CTNNA2: variants seen among roughly 807,000 people sequenced by gnomAD.
CTNNA2 encodes catenin alpha 2.
A neutral mutation model predicts 101.0 loss-of-function variants in CTNNA2; 42 were observed. That is an observed-to-expected ratio of 0.42 (90% CI 0.32 to 0.54). The LOEUF (loss-of-function observed/expected upper bound fraction) is 0.54. Ranked by LOEUF, CTNNA2 falls within the 20% of genes least tolerant of loss-of-function variation. CTNNA2 has a pLI of 0.14. For synonymous variants in CTNNA2, 450 were observed against 456.4 expected, an observed-to-expected ratio of 0.99 and a Z score of 0.18; for missense variants, 871 against 1,223.1, an observed-to-expected ratio of 0.71 and a Z score of 4.29.
intron 6 of CTNNA2, among the ~76,000 whole-genome samples, chr2:79,907,987 A>T (rs1415751963): frequency 1.3e-5 from 2 of 152,218 alleles, no homozygotes; most frequent in Non-Finnish European, 2.9e-5. Context: ...AACAGGAATC[A>T]GAGAATTGGA....
intron 4 of CTNNA2, among the ~76,000 whole-genome samples, chr2:79,413,191 G>T (rs905271021): frequency 6.6e-6 from 1 of 151,796 alleles, no homozygotes; most frequent in Non-Finnish European, 1.5e-5. Context: ...GGGAGGGGGT[G>T]GTTCTGGGAA....
intron 2 of CTNNA2, among the ~76,000 whole-genome samples, chr2:79,659,315 G>A (rs1353780594): frequency 6.6e-6 from 1 of 150,892 alleles, no homozygotes; most frequent in Non-Finnish European, 1.5e-5. Context: ...AATATAAAGT[G>A]AGGCATCATT....
intron 1 of CTNNA2, among the ~76,000 whole-genome samples, chr2:79,630,812 TG>T (rs1301483052): frequency 1.3e-5 from 2 of 151,250 alleles, no homozygotes. Context: ...GCTATATGGG[TG>T]GGCCTACAAA....
intron 4 of CTNNA2, among the ~76,000 whole-genome samples, chr2:79,864,595 G>T (rs953848790): frequency 6.6e-6 from 1 of 152,178 alleles, no homozygotes; most frequent in African/African-American, 2.4e-5. Flanking sequence ...CTAGGCCAAT[G>T]AATGAATGAA....
intron 3 of CTNNA2, among the ~76,000 whole-genome samples, chr2:79,323,138 C>T (rs1380764627): frequency 6.6e-6 from 1 of 152,130 alleles, no homozygotes; most frequent in Non-Finnish European, 1.5e-5. Flanking sequence ...TTCATGTTCC[C>T]CTGCCAAACC....
chr2:79,648,969 T>A (rs1361148957), intron 1 of CTNNA2, among the ~76,000 whole-genome samples: 1 of 152,200 alleles, frequency 6.6e-6, no homozygotes, highest in Non-Finnish European at 1.5e-5. Flanking sequence ...AAAAGATTGA[T>A]CCTCAAAGGA....
intron 4 of CTNNA2, among the ~76,000 whole-genome samples, chr2:79,494,506 G>C (rs1224866322): frequency 6.6e-6 from 1 of 152,094 alleles, no homozygotes; most frequent in African/African-American, 2.4e-5. Context: ...AAGTAAAACT[G>C]CACATTAGTG....
chr2:79,362,133 A>C (rs926436163), intron 3 of CTNNA2, among the ~76,000 whole-genome samples: 2 of 152,176 alleles, frequency 1.3e-5, no homozygotes, highest in South Asian at 2.1e-4. Context: ...TTAAGCAGTG[A>C]CTATACTAAG....
At chr2:80,027,679 G>A (rs1033036633) in intron 7 of CTNNA2, among the ~76,000 whole-genome samples, 4 of 152,016 alleles carry the variant, frequency 2.6e-5, no homozygotes, top group African/African-American at 4.8e-5. Context: ...ATTGTGGGGC[G>A]GGGAATGCCT....
chr2:79,274,775 A>G (rs1430820918), intron 2 of CTNNA2, among the ~76,000 whole-genome samples: 1 of 152,058 alleles, frequency 6.6e-6, no homozygotes, highest in African/African-American at 2.4e-5. Flanking sequence ...TAAGCAATGC[A>G]ATATTGTTTC....
chr2:80,274,559 T>C (rs1471112079), intron 7 of CTNNA2, among the ~76,000 whole-genome samples: 1 of 152,166 alleles, frequency 6.6e-6, no homozygotes, highest in Non-Finnish European at 1.5e-5. Context: ...TAACATTGCT[T>C]CCAGAAATAT....
chr2:79,187,550 CTT>C (rs747504354), intron 1 of CTNNA2, among the ~76,000 whole-genome samples: 22 of 152,174 alleles, frequency 1.4e-4, no homozygotes, highest in Non-Finnish European at 2.2e-4. Flanking sequence ...CATGGAGAAA[CTT>C]TAGCATATGA....
chr2:79,413,861 C>A (rs927179682), intron 4 of CTNNA2, among the ~76,000 whole-genome samples: 1 of 149,702 alleles, frequency 6.7e-6, no homozygotes, highest in Non-Finnish European at 1.5e-5. Flanking sequence ...ATTTGTATGT[C>A]TTTTTTGAGA....
intron 17 of CTNNA2, among the ~76,000 whole-genome samples, chr2:80,613,629 TA>T (rs967872842): frequency 4.6e-5 from 7 of 151,124 alleles, no homozygotes; most frequent in South Asian, 4.2e-4. Flanking sequence ...TTATGGCCAT[TA>T]AAAAAAATCA....
rs1039016887 is a variant in CTNNA2, at chr2:80,283,172, A to G, written c.1057-110039A>G. On this transcript the variant is annotated intron_variant, in intron 7 of 18. Coordinates refer to ENST00000402739, the MANE Select transcript of CTNNA2 (RefSeq NM_001282597.3). ...ATAAATTGCAAGAGGGGAGAAAAAG[A>G]GATGAGTTGTGATTGAAAGACACTT... Among the ~76,000 whole-genome samples the G allele has an allele frequency of 6.6e-5, 10 of 152,202 alleles. No individual in the cohort carries two copies. In the South Asian group the frequency reaches 1.7e-3, roughly 25 times the overall value.
intron 3 of CTNNA2, among the ~76,000 whole-genome samples, chr2:79,789,715 G>A (rs1013223997): frequency 6.6e-6 from 1 of 152,042 alleles, no homozygotes; most frequent in African/African-American, 2.4e-5. Context: ...TGTGGTGAGT[G>A]GAAATGGGAA....
chr2:80,194,774 A>G (rs1018495996), intron 7 of CTNNA2, among the ~76,000 whole-genome samples: 1 of 150,094 alleles, frequency 6.7e-6, no homozygotes, highest in Non-Finnish European at 1.5e-5. Flanking sequence ...TATATTATAT[A>G]TTTGCAATTG....
chr2:79,431,089 C>G (rs1323395429), intron 4 of CTNNA2, among the ~76,000 whole-genome samples: 1 of 152,000 alleles, frequency 6.6e-6, no homozygotes, highest in East Asian at 1.9e-4. Context: ...GAGGAGAATC[C>G]TATTCAGTCA....
chr2:80,384,139 G>A (rs1291872659), intron 7 of CTNNA2, among the ~76,000 whole-genome samples: 2 of 152,130 alleles, frequency 1.3e-5, no homozygotes, highest in Non-Finnish European at 2.9e-5. Context: ...CACAAAGAGG[G>A]GAACAACAGA....
Sources: allele counts gnomAD v4.1 joint callset (sites outside exome capture counted in the v4.1 genomes callset), GRCh38; gene constraint gnomAD v4.1.1; transcripts MANE v1.5; gene names NCBI Gene and HGNC (gene_info 2026-07-23, HGNC 2026-07-21).